MYH3: variants seen among roughly 807,000 people sequenced by gnomAD.
MYH3 encodes myosin-3.
MYH3 carries 130 observed loss-of-function variants against 238.0 expected under a neutral mutation model. The ratio of observed to expected loss-of-function variants is 0.55; its 90% CI spans 0.47 to 0.63. The LOEUF is 0.63. Among genes scored for constraint, MYH3 ranks in the 30% least tolerant of loss-of-function variants. MYH3 has a pLI of 0.00. For synonymous variants in MYH3, 880 were observed against 924.1 expected (o/e 0.95, Z 0.86); for missense variants, 1,853 against 2,374.9 (o/e 0.78, Z 4.57).
intron 10 of MYH3, 79 bp from the exon 11 acceptor site, chr17:10,646,111 T>C (rs2074318291): frequency 8.2e-7 from 1 of 1,212,792 alleles, no homozygotes; most frequent in Non-Finnish European, 1.2e-6. Flanking sequence ...TCCTGCACCC[T>C]GGGCTGGAAC....
At position 10,628,662 on chromosome 17, in the gene MYH3, ACT is replaced by A. The variant is rs780540108; in HGVS notation, c.5812_5813del (p.Ser1938Ter). The stretch of plus-strand genomic sequence containing the variant: ...CTCCAGAAGGGCTGGCTCACTCTTC[ACT>A]CTCGTGGACCACCATCTAGGAAGAA... ...FTSSRMVVHE[S>X]EE On this transcript the variant is annotated frameshift_variant, in exon 41 of 41. Coordinates refer to ENST00000583535, the MANE Select transcript of MYH3 (RefSeq NM_002470.4). LOFTEE classifies it high-confidence loss of function. The A allele has an allele frequency of 3.7e-6, 6 of 1,613,986 alleles. No homozygotes were observed. In the South Asian group the frequency reaches 5.5e-5, roughly 15 times the overall value.
At chr17:10,646,999 G>A (rs1194317345) in intron 10 of MYH3, among the ~76,000 whole-genome samples, 183 bp downstream of exon 10, 2 of 152,198 alleles carry the variant, frequency 1.3e-5, no homozygotes, top group Non-Finnish European at 2.9e-5. Context: ...CAAGTGAGCT[G>A]TGCTTGTGCC....
chr17:10,647,087 G>T, intron 10 of MYH3, 95 bp downstream of exon 10: 1 of 910,910 alleles, frequency 1.1e-6, no homozygotes, highest in South Asian at 1.4e-5. Context: ...TTTCCCTGTT[G>T]ACTGTAGAGT....
upstream of MYH3, chr17:10,658,401 C>T (rs762657079): frequency 1.3e-5 from 2 of 152,236 alleles, no homozygotes; most frequent in African/African-American, 2.4e-5. Context: ...GGAGGCCACT[C>T]CATGAGGTCT....
intron 12 of MYH3, among the ~76,000 whole-genome samples, chr17:10,645,095 T>G (rs1171706161): frequency 1.3e-5 from 2 of 148,816 alleles, no homozygotes; most frequent in African/African-American, 4.9e-5. Flanking sequence ...TGGAGTGCAG[T>G]GGCACGATCT....
chr17:10,635,178 C>A (rs1356370189), intron 30 of MYH3, among the ~76,000 whole-genome samples, 155 bp from the exon 31 acceptor site: 1 of 152,146 alleles, frequency 6.6e-6, no homozygotes, highest in Non-Finnish European at 1.5e-5. Flanking sequence ...AATCTGGGAT[C>A]AATAACTTGC....
In MYH3 at chr17:10,650,386, G is replaced by T; in HGVS notation, c.521C>A (p.Ser174Tyr). ...CATGGATACTTACGTGATCAGAATG[G>T]ACTGGTTTTCACGATCTGCCAGAGG... Reference protein sequence around the residue: ...QFMLTDRENQSILITGESGAG... With the variant: ...QFMLTDRENQYILITGESGAG... Residue 174 changes from serine (S) to tyrosine (Y), a missense_variant, in exon 6 of 41, where the codon TCC becomes TAC. Around this residue, in one of 3 missense-constraint regions of MYH3, gnomAD observed 678 missense variants for 1,058.9 expected, o/e 0.64. Transcript: ENST00000583535. 6.2e-7 allele frequency: 1 copy of T among 1,612,756 alleles called. No individual in the cohort carries two copies. Among genetic ancestry groups the T allele is most frequent in the South Asian group, 1.1e-5 (1 of 91,038 alleles).
chr17:10,655,138 TG>T (rs749184901), intron 2 of MYH3, 66 bp from the exon 3 acceptor site: 1,201 of 1,307,088 alleles, frequency 9.2e-4, no homozygotes, highest in Non-Finnish European at 9.1e-4. Flanking sequence ...GCTCCAGGCC[TG>T]TTTCAGCCTC....
rs2074261315 is a variant in MYH3, at chr17:10,640,551, C to T, written c.2289+12G>A. 6.2e-7 allele frequency: 1 copy of T among 1,614,140 alleles called. No individual in the cohort carries two copies. The highest frequency in any genetic ancestry group is 1.3e-5 in the African/African-American group (1 of 74,942). ...ACGAAAAGGCCAGCATCTGTCAGAA[C>T]TGATGCATTACCTTGGTATGTCCAA... On this transcript the variant is annotated intron_variant, in intron 20 of 40. Coordinates refer to ENST00000583535, the MANE Select transcript of MYH3 (RefSeq NM_002470.4).
rs1332736347 is a variant in MYH3, at chr17:10,632,728, T to C, written c.4704A>G (p.Gln1568=). The C allele has an allele frequency of 2.5e-6, 4 of 1,614,210 alleles. No homozygotes were observed. The highest frequency in any genetic ancestry group is 1.6e-4 in the Middle Eastern group (1 of 6,062). Residue 1568 remains glutamine, a synonymous_variant, in exon 34 of 41, where the codon CAA becomes CAG. Coordinates refer to ENST00000583535, the MANE Select transcript of MYH3 (RefSeq NM_002470.4). ...TCTTTCTATCAATTTCTGATTTCAC[T>C]TGTGTCAATTCAAGCTGGATTCGGA... ...KILRIQLELT[Q]VKSEIDRKIA... is the part of the protein sequence containing the mutation.
At chr17:10,636,055 T>G (rs1324048633) in intron 28 of MYH3, among the ~76,000 whole-genome samples, 1 of 152,148 alleles carries the variant, frequency 6.6e-6, no homozygotes, top group Non-Finnish European at 1.5e-5. Flanking sequence ...CCAGGTGCAG[T>G]GGCTCACGCC....
At chr17:10,669,566 C>CAAA in the MYH3 span, among the ~76,000 whole-genome samples, 2 of 96,452 alleles carry the variant, frequency 2.1e-5, no homozygotes, top group Non-Finnish European at 4.2e-5. Context: ...GAGTCCATCT[C>CAAA]AAAAAAAAAA....
At chr17:10,677,674 T>C in the MYH3 span, 1 of 152,240 alleles carries the variant, frequency 6.6e-6, no homozygotes, top group African/African-American at 2.4e-5. Context: ...GCCAGACACA[T>C]GAATACATTC....
In MYH3 at chr17:10,631,956, C is replaced by T. The variant is rs2074164700; in HGVS notation, c.5017G>A (p.Ala1673Thr). 1 of 1,614,082 alleles carries T rather than the reference C, an allele frequency of 6.2e-7. No individual in the cohort carries two copies. The highest frequency in any genetic ancestry group is 1.3e-5 in the African/African-American group (1 of 75,050). The change falls in exon 35 of 41, where the codon GCG becomes ACG. Residue 1673 changes from alanine to threonine, a missense_variant. Coordinates refer to ENST00000583535, the MANE Select transcript of MYH3 (RefSeq NM_002470.4). ...RGQEDLKEQLAIVERRANLLQ... is the reference protein window; with the variant it reads ...RGQEDLKEQLTIVERRANLLQ... The stretch of plus-strand genomic sequence containing the variant: ...AGGTTGGCTCTGCGCTCCACAATCG[C>T]CAGCTGCTCCTTCAGGTCCTCCTGG...
the MYH3 span, among the ~76,000 whole-genome samples, chr17:10,667,146 G>T: frequency 3.2e-3 from 491 of 152,280 alleles, 3 homozygotes; most frequent in African/African-American, 0.011. Flanking sequence ...TGCTACGGAG[G>T]ATAATTTAGA....
intron 5 of MYH3, 35 bp downstream of exon 5, chr17:10,651,477 C>T (rs753262560): frequency 1.2e-6 from 2 of 1,612,306 alleles, no homozygotes; most frequent in Non-Finnish European, 1.7e-6. Context: ...GCAGTGCCTG[C>T]TCCAGCATCC....
At chr17:10,670,683 A>G in the MYH3 span, among the ~76,000 whole-genome samples, 1 of 151,418 alleles carries the variant, frequency 6.6e-6, no homozygotes, top group South Asian at 2.1e-4. The surrounding 1 kb of genome is among the most constrained non-coding windows in gnomAD (Gnocchi z 7.0). Flanking sequence ...AGCCATCCAC[A>G]AACACACCAC....
rs767069738 is a variant in MYH3 at position 10,638,379 on chromosome 17, C to T, written c.3393G>A (p.Ala1131=). 14 of 1,603,926 alleles carry T rather than the reference C, an allele frequency of 8.7e-6. No homozygotes were observed. The African/African-American group carries it at 1.2e-4, about 14-fold the overall frequency. Residue 1131 remains alanine (A), a synonymous_variant, in exon 27 of 41, where the codon GCG becomes GCA. Coordinates refer to ENST00000583535, the MANE Select transcript of MYH3 (RefSeq NM_002470.4). ...EEIEAERATR[A]KTEKQRSDYA... is the part of the protein sequence containing the mutation. ...AGTCGCTGCGCTGTTTCTCTGTCTT[C>T]GCGCGGGTGGCCCTCTCCGCCTCTA...
the MYH3 span, among the ~76,000 whole-genome samples, chr17:10,670,064 T>C: frequency 3.9e-5 from 6 of 152,210 alleles, no homozygotes; most frequent in African/African-American, 4.8e-5. The surrounding 1 kb of genome is among the most constrained non-coding windows in gnomAD (Gnocchi z 7.0). Flanking sequence ...CAGAGGCAGC[T>C]GGGTTATCAG....
Sources: gnomAD v4.1 joint callset for allele counts (sites outside exome capture counted in the v4.1 genomes callset) on GRCh38, gnomAD v4.1.1 for gene constraint, gnomAD v4.1.1 regional missense constraint, Gnocchi (gnomAD v3.1) non-coding constraint, MANE v1.5 for transcripts, NCBI Gene and HGNC (gene_info 2026-07-23, HGNC 2026-07-21) for gene names.